The following CAPN2 variants were observed in gnomAD, a reference collection of about 807,000 sequenced individuals.
The protein encoded by CAPN2 is calpain 2.
A neutral mutation model predicts 102.3 loss-of-function variants in CAPN2; 92 were observed. That is an observed-to-expected ratio of 0.90 (90% CI 0.76 to 1.07). The LOEUF is 1.07. CAPN2 is among the 50% of genes least tolerant of loss of function. The pLI is 0.00. For missense variants in CAPN2, 800 were observed against 909.4 expected, an observed-to-expected ratio of 0.88 and a Z score of 1.55; for synonymous variants, 340 against 355.4, an observed-to-expected ratio of 0.96 and a Z score of 0.49.
At chr1:223,770,108 G>A in intron 17 of CAPN2, 199 bp downstream of exon 17, 1 of 605,016 alleles carries the variant, frequency 1.7e-6, no homozygotes, top group Non-Finnish European at 2.9e-6. Context: ...AGGTGAAATG[G>A]CCTATTCCCT....
Position 223,712,855 on chromosome 1 carries a change from G to A in CAPN2, c.215G>A (p.Gly72Asp), listed in dbSNP as rs756560847. The change falls in exon 1 of 21, where the codon GGC (glycine) becomes GAC (aspartate). Residue 72 changes from glycine (G) to aspartate (D), a missense_variant. Physicochemically the swap from Gly to Asp is moderately conservative, Grantham distance 94. Coordinates refer to ENST00000295006, the MANE Select transcript of CAPN2 (RefSeq NM_001748.5). ...ELGPYSSKTR[G>D]IEWKRPTEIC... ...GGGCCCTACTCCAGCAAAACCCGGG[G>A]CATCGAGTGGAAGCGCCCCACGGTA... 54 of 1,548,286 alleles carry A rather than the reference G, an allele frequency of 3.5e-5. No homozygotes were observed. The highest frequency in any genetic ancestry group is 1.2e-4 in the Admixed American group (6 of 51,492).
In CAPN2 at chr1:223,754,438, T is replaced by A. The variant is rs1660978627; in HGVS notation, c.1136-1042T>A. On this transcript the variant is annotated intron_variant, in intron 9 of 20. Coordinates refer to ENST00000295006, the MANE Select transcript of CAPN2 (RefSeq NM_001748.5). This position sits in a 1 kb window ranked among gnomAD's most constrained non-coding sequence, Gnocchi z 4.7. ...TTTTGGCTTTGTGGGCCACTCAGTC[T>A]CTATAACAACAACTCTATTGCTATA... Among the ~76,000 whole-genome samples the A allele has an allele frequency of 6.6e-6, 1 of 152,202 alleles. No homozygotes were observed. Among genetic ancestry groups the A allele is most frequent in the African/African-American group, 2.4e-5 (1 of 41,460 alleles).
At position 223,759,589 on chromosome 1, in the gene CAPN2, T is replaced by C. The variant is rs1661136011; in HGVS notation, c.1529+108T>C. The C allele has an allele frequency of 1.2e-6, 1 of 833,938 alleles. No individual in the cohort carries two copies. The highest frequency in any genetic ancestry group is 2.6e-5 in the East Asian group (1 of 38,574). The allele number at this position is 833,938 out of a possible 1,614,324, so 51.7% of individuals were successfully genotyped here. A position where few individuals can be genotyped will look rare whatever the true frequency, so the allele number is the denominator to read the frequency against. On this transcript the variant is annotated intron_variant, in intron 12 of 20. Coordinates refer to ENST00000295006, the MANE Select transcript of CAPN2 (RefSeq NM_001748.5). The surrounding 1 kb of genome is among the most constrained non-coding windows in gnomAD (Gnocchi z 4.6). Reference sequence around the variant, plus strand: ...CATCCTCTGAATGTCAGTTACTTTTTCTGTAACACCTGCCCACCTCGAAGG... The same window carrying C: ...CATCCTCTGAATGTCAGTTACTTTTCCTGTAACACCTGCCCACCTCGAAGG...
chr1:223,732,369 T>TTTCTTGATTATATGCTAAAC (rs1261814759), intron 2 of CAPN2, among the ~76,000 whole-genome samples: 1 of 152,228 alleles, frequency 6.6e-6, no homozygotes, highest in African/African-American at 2.4e-5. Flanking sequence ...TTTATGGTTA[T>TTTCTTGATTATATGCTAAAC]TTCTTGATTA....
intron 1 of CAPN2, among the ~76,000 whole-genome samples, chr1:223,705,106 C>A (rs1659573935): frequency 6.6e-6 from 1 of 152,204 alleles, no homozygotes; most frequent in South Asian, 2.1e-4. Context: ...TTTCAGCAAG[C>A]CAGTGTCGGC....
chr1:223,702,388 C>T (rs147446883), intron 1 of CAPN2, among the ~76,000 whole-genome samples: 1,584 of 151,718 alleles, frequency 0.01, 29 homozygotes, highest in African/African-American at 0.036. Flanking sequence ...GATCGCACCA[C>T]TGCACTCCAG....
intron 12 of CAPN2, among the ~76,000 whole-genome samples, chr1:223,760,038 C>G (rs1571814365): frequency 1.3e-5 from 2 of 152,210 alleles, no homozygotes; most frequent in South Asian, 4.1e-4. Context: ...CAGGTGGCCT[C>G]AATTCACAAT....
At chr1:223,758,794 G>A (rs1008641483) in intron 11 of CAPN2, 2 of 200,758 alleles carry the variant, frequency 1.0e-5, no homozygotes, top group Non-Finnish European at 2.0e-5. Context: ...TCAGACTCAC[G>A]TGAGCCTCCT....
intron 20 of CAPN2, chr1:223,773,376 G>A (rs1324789448): frequency 6.6e-6 from 1 of 152,230 alleles, no homozygotes; most frequent in Non-Finnish European, 1.5e-5. Flanking sequence ...GGCCAACATG[G>A]TGAAACCGCG....
intron 2 of CAPN2, 31 bp downstream of exon 2, chr1:223,717,862 A>T: frequency 6.4e-7 from 1 of 1,555,230 alleles, no homozygotes; most frequent in Non-Finnish European, 8.9e-7. Flanking sequence ...AAGCTGGGGG[A>T]TCTTGTCTGT....
At chr1:223,719,829 T>TGTGTGTGTGTGTGTGC (rs1660001918) in intron 2 of CAPN2, among the ~76,000 whole-genome samples, 1 of 150,040 alleles carries the variant, frequency 6.7e-6, no homozygotes, top group African/African-American at 2.5e-5. Context: ...TGTGTGTGTG[T>TGTGTGTGTGTGTGTGC]GTGCGCGCGC....
Position 223,755,554 on chromosome 1 carries a change from G to T in CAPN2, c.1210G>T (p.Gly404Cys). Residue 404 changes from glycine (G) to cysteine (C), a missense_variant, in exon 10 of 21, where the codon GGC becomes TGC. By Grantham distance (159) the Gly-to-Cys change is radical. Transcript: ENST00000295006. This position sits in a 1 kb window ranked among gnomAD's most constrained non-coding sequence, Gnocchi z 4.1. ...TGAGGACGAGGAGGATGGGGAGAGC[G>T]GCTGCACCTTCCTGGTGGGGCTCAT... ...EDEDEEDGES[G>C]CTFLVGLIQK... The T allele has an allele frequency of 6.2e-7, 1 of 1,614,058 alleles. No individual in the cohort carries two copies. Among genetic ancestry groups the T allele is most frequent in the Non-Finnish European group, 8.5e-7 (1 of 1,179,994 alleles).
At chr1:223,703,426 G>C (rs1659530080) in intron 1 of CAPN2, among the ~76,000 whole-genome samples, 1 of 151,908 alleles carries the variant, frequency 6.6e-6, no homozygotes, top group Non-Finnish European at 1.5e-5. Flanking sequence ...CTGGCCATTT[G>C]CAAAGCACCT....
In CAPN2 at chr1:223,746,795, A is replaced by AAC. The variant is rs1475961891; in HGVS notation, c.561-198_561-197dup. Among the ~76,000 whole-genome samples the AAC allele has an allele frequency of 2.0e-5, 3 of 152,044 alleles. No individual in the cohort carries two copies. The East Asian group carries it at 5.8e-4, about 29-fold the overall frequency. The stretch of plus-strand genomic sequence containing the variant: ...GCGCCCGGCCTGAGATTTTCTTTAA[A>AAC]ACACAAAATACCAGGGAAATGGTAA... On this transcript the variant is annotated intron_variant, in intron 4 of 20. Transcript: ENST00000295006.
intron 7 of CAPN2, 83 bp downstream of exon 7, chr1:223,751,058 A>G: frequency 6.1e-6 from 7 of 1,153,306 alleles, no homozygotes; most frequent in Admixed American, 2.0e-5. Flanking sequence ...AGAAGAAGAC[A>G]TGTGCATTAT....
chr1:223,755,685 A>G lies in CAPN2; in HGVS notation c.1305+36A>G, dbSNP rs1661017844. On this transcript the variant is annotated intron_variant, in intron 10 of 20. Coordinates refer to ENST00000295006, the MANE Select transcript of CAPN2 (RefSeq NM_001748.5). The surrounding 1 kb of genome is among the most constrained non-coding windows in gnomAD (Gnocchi z 4.1). ...CAGGGGCTCCTGCCCTCCCTTCCCC[A>G]TGTGTTCATCTCAGCCCCTGCATGG... is the stretch of plus-strand genomic sequence containing the variant. The G allele has an allele frequency of 2.0e-6, 3 of 1,522,730 alleles. No individual in the cohort carries two copies. Among genetic ancestry groups the G allele is most frequent in the African/African-American group, 2.8e-5 (2 of 71,602 alleles). The allele number at this position is 1,522,730 out of a possible 1,614,324, so 94.3% of individuals were successfully genotyped here.
At chr1:223,715,190 A>C (rs772148627) in intron 1 of CAPN2, among the ~76,000 whole-genome samples, 1 of 152,246 alleles carries the variant, frequency 6.6e-6, no homozygotes, top group Non-Finnish European at 1.5e-5. Context: ...AACACTAGCA[A>C]GTCATTGGTG....
In CAPN2 at chr1:223,759,513, C is replaced by A; in HGVS notation, c.1529+32C>A. ...GGTTTGGTCCCTTCCTCTCCCCACC[C>A]TTCCCTGTCCCTCCCCACTGGTCTG... On this transcript the variant is annotated intron_variant, in intron 12 of 20. Coordinates refer to ENST00000295006, the MANE Select transcript of CAPN2 (RefSeq NM_001748.5). The surrounding 1 kb of genome is among the most constrained non-coding windows in gnomAD (Gnocchi z 4.6). The A allele has an allele frequency of 1.3e-6, 2 of 1,577,838 alleles. No individual in the cohort carries two copies. The highest frequency in any genetic ancestry group is 1.7e-6 in the Non-Finnish European group (2 of 1,149,134).
intron 20 of CAPN2, among the ~76,000 whole-genome samples, chr1:223,773,849 CCTGT>C (rs1661544670): frequency 1.3e-5 from 2 of 151,706 alleles, no homozygotes; most frequent in Admixed American, 1.3e-4. Context: ...AGAGCAAAAC[CCTGT>C]CTCAGAAAAA....
Sources: allele counts gnomAD v4.1 joint callset (sites outside exome capture counted in the v4.1 genomes callset), GRCh38; gene constraint gnomAD v4.1.1; non-coding constraint Gnocchi (gnomAD v3.1); transcripts MANE v1.5; gene names NCBI Gene and HGNC (gene_info 2026-07-23, HGNC 2026-07-21).